CADM3: variants seen among roughly 807,000 people sequenced by gnomAD.
The protein encoded by CADM3 is cell adhesion molecule 3, also known as TSLC1-like 1.
CADM3 carries 11 observed loss-of-function variants against 44.9 expected under a neutral mutation model. The ratio of observed to expected loss-of-function variants is 0.25; its 90% CI spans 0.15 to 0.41. The LOEUF (loss-of-function observed/expected upper bound fraction) is 0.41. CADM3 is among the 10% of genes least tolerant of loss of function. CADM3 has a pLI of 1.00. For synonymous variants in CADM3, 207 were observed against 205.2 expected (o/e 1.01, Z -0.08); for missense variants, 426 against 512.0 (o/e 0.83, Z 1.62).
At chr1:159,177,730 CA>C (rs1270740018) in intron 1 of CADM3, among the ~76,000 whole-genome samples, 1 of 152,142 alleles carries the variant, frequency 6.6e-6, no homozygotes, top group Non-Finnish European at 1.5e-5. Context: ...GAAGGGCAAG[CA>C]ATTCTTAGGT....
At chr1:159,180,048 G>A (rs1649170478) in intron 1 of CADM3, among the ~76,000 whole-genome samples, 2 of 152,082 alleles carry the variant, frequency 1.3e-5, no homozygotes, top group Admixed American at 6.6e-5. Flanking sequence ...CCAAGCCCTG[G>A]AGTCCAATGT....
intron 2 of CADM3, among the ~76,000 whole-genome samples, 182 bp downstream of exon 2, chr1:159,192,258 T>C (rs1385449069): frequency 6.6e-6 from 1 of 152,164 alleles, no homozygotes; most frequent in Non-Finnish European, 1.5e-5. Context: ...ATTTACAGCA[T>C]GCATAATCTT....
chr1:159,193,804 T>C, intron 4 of CADM3, 66 bp from the exon 5 acceptor site: 1 of 1,582,498 alleles, frequency 6.3e-7, no homozygotes, highest in Non-Finnish European at 8.7e-7. Context: ...ATGATATCTG[T>C]ATGTTAGGTT....
Position 159,193,928 on chromosome 1 carries a change from G to C in CADM3, c.579G>C (p.Ser193=), listed in dbSNP as rs773654084. Residue 193 remains serine, a synonymous_variant, in exon 5 of 9, where the codon TCG becomes TCC. Transcript: ENST00000368125. ...GTAAAACCTTCACTGTCAGCAGCTC[G>C]GTGACATTCCAGGTTACCCGGGAGG... The part of the protein sequence containing the change: ...PNGKTFTVSS[S]VTFQVTREDD... 8.1e-6 allele frequency: 13 copies of C among 1,614,020 alleles called. No homozygotes were observed. The Admixed American group carries it at 1.0e-4, about 12-fold the overall frequency.
chr1:159,186,896 A>G (rs557398575), intron 1 of CADM3, among the ~76,000 whole-genome samples: 4 of 152,370 alleles, frequency 2.6e-5, no homozygotes, highest in African/African-American at 9.6e-5. Context: ...CATAGAGGCA[A>G]TACATCATGT....
chr1:159,173,158 G>A (rs1370446594), intron 1 of CADM3, among the ~76,000 whole-genome samples: 1 of 151,734 alleles, frequency 6.6e-6, no homozygotes, highest in African/African-American at 2.4e-5. Context: ...AAGAACCGCA[G>A]GGGAGGAGAA....
chr1:159,189,267 G>T (rs1649550205), intron 1 of CADM3, among the ~76,000 whole-genome samples: 1 of 152,194 alleles, frequency 6.6e-6, no homozygotes, highest in East Asian at 1.9e-4. Context: ...TAATGTCCTT[G>T]TACTTATTTT....
chr1:159,194,107 C>T lies in CADM3; in HGVS notation c.691+67C>T, dbSNP rs886386636. 9.4e-6 allele frequency: 14 copies of T among 1,495,148 alleles called. No individual in the cohort carries two copies. The African/African-American group carries it at 1.8e-4, about 19-fold the overall frequency. 92.6% of individuals were successfully genotyped at this position (1,495,148 alleles called of 1,614,324 possible). On this transcript the variant is annotated intron_variant, in intron 5 of 8. Coordinates refer to ENST00000368125, the MANE Select transcript of CADM3 (RefSeq NM_001127173.3). ...ATGAGGACCAGGGAGAAAGAGAATG[C>T]AGGTGACTGTGCATGAAACAACACG...
At position 159,190,737 on chromosome 1, in the gene CADM3, G is replaced by C. The variant is rs1423533694; in HGVS notation, c.89-1199G>C. ...AATGGAATTCCAGTAACCAAGAAAG[G>C]AATAAGCAGACAGGCAGGGGTAAGG... On this transcript the variant is annotated intron_variant, in intron 1 of 8. Coordinates refer to ENST00000368125, the MANE Select transcript of CADM3 (RefSeq NM_001127173.3). 3.9e-5 allele frequency among the ~76,000 whole-genome samples: 6 copies of C among 152,216 alleles called. No individual in the cohort carries two copies. The East Asian group carries it at 9.6e-4, about 24-fold the overall frequency.
intron 4 of CADM3, 31 bp from the exon 5 acceptor site, chr1:159,193,839 T>TGTG (rs749273694): frequency 5.6e-6 from 9 of 1,608,044 alleles, no homozygotes; most frequent in Non-Finnish European, 7.7e-6. Context: ...CTCTGTGTGT[T>TGTG]TGTGTGTGTG....
At position 159,201,144 on chromosome 1, in the gene CADM3, T is replaced by G; in HGVS notation, c.*222T>G. The G allele has an allele frequency of 1.0e-5, 3 of 291,690 alleles. No homozygotes were observed. The highest frequency in any genetic ancestry group is 5.9e-5 in the East Asian group (1 of 17,056). The allele number at this position is 291,690 out of a possible 1,614,324, so 18.1% of individuals were successfully genotyped here. ...GGAGGGGAGGGTTGCCCTCAGCCCT[T>G]TCCGTGGCTTCTCTGCATTTGGGTT... On this transcript the variant is annotated 3_prime_UTR_variant, in exon 9 of 9. Transcript: ENST00000368125.
chr1:159,182,336 T>C (rs1423669040), intron 1 of CADM3, among the ~76,000 whole-genome samples: 2 of 152,170 alleles, frequency 1.3e-5, no homozygotes, highest in African/African-American at 4.8e-5. Flanking sequence ...TTCCTCAGTA[T>C]CATGCACAGG....
In CADM3 at chr1:159,176,471, A is replaced by C. The variant is rs551348579; in HGVS notation, c.88+4618A>C. Among the ~76,000 whole-genome samples, 8 of 152,316 alleles carry C rather than the reference A, an allele frequency of 5.3e-5. No individual in the cohort carries two copies. In the South Asian group the frequency reaches 8.3e-4, roughly 16 times the overall value. ...CCCTGGAGAAGCAAGCCATCAGAAA[A>C]AGATTCTGTTTCTAAGAACTTGCTC... is the stretch of plus-strand genomic sequence containing the variant. On this transcript the variant is annotated intron_variant, in intron 1 of 8. Transcript: ENST00000368125.
chr1:159,192,700 C>T lies in CADM3; in HGVS notation c.352C>T (p.Arg118Ter), dbSNP rs983781182. 7 of 1,613,800 alleles carry T rather than the reference C, an allele frequency of 4.3e-6. No homozygotes were observed. Among genetic ancestry groups the T allele is most frequent in the Admixed American group, 1.7e-5 (1 of 59,972 alleles). The change falls in exon 3 of 9, where the codon CGA becomes TGA. Residue 118 changes from arginine (R) to a stop codon, truncating the protein, a stop_gained. Coordinates refer to ENST00000368125, the MANE Select transcript of CADM3 (RefSeq NM_001127173.3). LOFTEE classifies it high-confidence loss of function. ...YTCSIFTMPV[R>*]TAKSLVTVLG... ...CTGCTCAATCTTCACTATGCCTGTGCGAACTGCCAAGTCCCTCGTCACTGT... is the reference window on the plus strand; with the variant it reads ...CTGCTCAATCTTCACTATGCCTGTGTGAACTGCCAAGTCCCTCGTCACTGT...
chr1:159,189,556 C>T (rs1388720176), intron 1 of CADM3, among the ~76,000 whole-genome samples: 1 of 152,206 alleles, frequency 6.6e-6, no homozygotes. Context: ...TAGCATCCTC[C>T]TTTAATTCAC....
intron 1 of CADM3, 115 bp from the exon 2 acceptor site, chr1:159,191,821 A>C: frequency 8.4e-7 from 1 of 1,189,200 alleles, no homozygotes; most frequent in Non-Finnish European, 1.2e-6. Flanking sequence ...GTACACAGAG[A>C]CCTTGTGTAC....
chr1:159,194,131 C>T (rs573370286), intron 5 of CADM3, 91 bp downstream of exon 5: 144 of 1,338,272 alleles, frequency 1.1e-4, no homozygotes, highest in South Asian at 9.2e-4. Context: ...TGAAACAACA[C>T]GCACAGTTAA....
intron 1 of CADM3, among the ~76,000 whole-genome samples, chr1:159,188,570 A>G (rs1649513689): frequency 6.6e-6 from 1 of 152,032 alleles, no homozygotes; most frequent in South Asian, 2.1e-4. Flanking sequence ...GGGACTCCAA[A>G]GCCCGGACAC....
chr1:159,172,083 G>A (rs1250797765), intron 1 of CADM3, among the ~76,000 whole-genome samples: 1 of 152,164 alleles, frequency 6.6e-6, no homozygotes, highest in Non-Finnish European at 1.5e-5. Flanking sequence ...GTGTCTGCGT[G>A]TGCACCGGGG....
Sources: allele counts gnomAD v4.1 joint callset (sites outside exome capture counted in the v4.1 genomes callset), GRCh38; gene constraint gnomAD v4.1.1; transcripts MANE v1.5; gene names NCBI Gene and HGNC (gene_info 2026-07-23, HGNC 2026-07-21).